Variants in COL17A1 observed in about 807,000 individuals in gnomAD.
COL17A1 encodes the protein collagen type XVII alpha 1 chain.
A neutral mutation model predicts 218.4 loss-of-function variants in COL17A1; 181 were observed. The observed-to-expected ratio is 0.83, with a 90% CI of 0.73 to 0.94. The LOEUF is 0.94. COL17A1 is among the 40% of genes least tolerant of loss of function. The pLI is 0.00. For synonymous variants in COL17A1, 721 were observed against 731.0 expected, an observed-to-expected ratio of 0.99 and a Z score of 0.22; for missense variants, 1,924 against 1,945.9, an observed-to-expected ratio of 0.99 and a Z score of 0.21.
intron 29 of COL17A1, 159 bp from the exon 30 acceptor site, chr10:104,048,263 A>T: frequency 1.3e-6 from 1 of 794,750 alleles, no homozygotes; most frequent in Non-Finnish European, 2.3e-6. Context: ...TGGATACGGT[A>T]CTCCCACTGC....
rs531811963 is a variant in COL17A1 at position 104,032,071 on chromosome 10, A to G, written c.*164T>C. 2.8e-4 allele frequency: 180 copies of G among 652,284 alleles called. 1 individual carries two copies. Among genetic ancestry groups the G allele is most frequent in the Non-Finnish European group, 4.4e-4 (159 of 360,742 alleles). 40.4% of individuals were successfully genotyped at this position (652,284 alleles called of 1,614,324 possible). A position where few individuals can be genotyped will look rare whatever the true frequency, so the allele number is the denominator to read the frequency against. On this transcript the variant is annotated 3_prime_UTR_variant, in exon 56 of 56. Transcript: ENST00000648076. The stretch of plus-strand genomic sequence containing the variant: ...GATTGTGTATCTTTGACTGAATTCT[A>G]TAAGTATATATTGTTCAGACTAAAA...
intron 28 of COL17A1, 91 bp downstream of exon 28, chr10:104,049,998 G>T: frequency 1.3e-6 from 2 of 1,592,890 alleles, no homozygotes; most frequent in Non-Finnish European, 1.7e-6. Context: ...AACAGATTCG[G>T]TCTCTTACTT....
At position 104,034,341 on chromosome 10, in the gene COL17A1, G is replaced by A. The variant is rs527309056; in HGVS notation, c.3767-7C>T. ...AAGCTGCGCACATCAGGACCTGCAG[G>A]GTGAGAAGCTGCATGAGTGGGAGCT... On this transcript the variant is annotated splice_region_variant and splice_polypyrimidine_tract_variant and intron_variant, in intron 51 of 55. Coordinates refer to ENST00000648076, the MANE Select transcript of COL17A1 (RefSeq NM_000494.4). The A allele has an allele frequency of 6.5e-7, 1 of 1,547,946 alleles. No individual in the cohort carries two copies. Among genetic ancestry groups the A allele is most frequent in the Non-Finnish European group, 8.7e-7 (1 of 1,153,474 alleles).
At chr10:104,053,489 A>T (rs943922614) in intron 22 of COL17A1, among the ~76,000 whole-genome samples, 7 of 151,784 alleles carry the variant, frequency 4.6e-5, no homozygotes, top group African/African-American at 1.7e-4. Context: ...GCTCCTTAAA[A>T]ATTGCCCTGG....
intron 35 of COL17A1, 131 bp downstream of exon 35, chr10:104,043,370 A>G: frequency 1.2e-6 from 1 of 856,624 alleles, no homozygotes; most frequent in Non-Finnish European, 1.9e-6. Flanking sequence ...TGCTTTTCTC[A>G]GGCCAAACTC....
At chr10:104,050,931 A>G in intron 25 of COL17A1, 30 bp from the exon 26 acceptor site, 1 of 1,614,086 alleles carries the variant, frequency 6.2e-7, no homozygotes, top group Non-Finnish European at 8.5e-7. Context: ...ATGCACACAG[A>G]TGAGTATCCC....
rs758339466 is a variant in COL17A1, at chr10:104,050,831, G to C, written c.2092+17C>G. ...CATCAGACCCTCACTGTCCCCCCAG[G>C]CCTCCCTCCAGCTTACCTTTGACAC... On this transcript the variant is annotated intron_variant, in intron 26 of 55. Coordinates refer to ENST00000648076, the MANE Select transcript of COL17A1 (RefSeq NM_000494.4). The C allele has an allele frequency of 2.9e-5, 46 of 1,613,882 alleles. No homozygotes were observed. Among genetic ancestry groups the C allele is most frequent in the Non-Finnish European group, 3.1e-5 (36 of 1,180,022 alleles).
chr10:104,053,109 C>T lies in COL17A1; in HGVS notation c.1861G>A (p.Gly621Ser). 7 of 1,613,710 alleles carry T rather than the reference C, an allele frequency of 4.3e-6. No homozygotes were observed. The highest frequency in any genetic ancestry group is 5.9e-6 in the Non-Finnish European group (7 of 1,180,024). Residue 621 changes from glycine (G) to serine (S), a missense_variant, in exon 23 of 56, where the codon GGC becomes AGC. By Grantham distance (56) the Gly-to-Ser change is moderately conservative (BLOSUM62 0). Transcript: ENST00000648076. ...VGDPGMEGPM[G>S]QRGREGPMGP... is the part of the protein sequence containing the mutation. ...ATGGGGCCTTCTCGCCCTCTCTGGC[C>T]CATGGGGCCTTCCATGCCAGGATCT...
At chr10:104,046,612 CAT>C in intron 32 of COL17A1, 133 bp downstream of exon 32, 1 of 821,122 alleles carries the variant, frequency 1.2e-6, no homozygotes, top group South Asian at 1.4e-5. Flanking sequence ...TCTCACGACT[CAT>C]AGTGAAAGGG....
chr10:104,039,891 T>C, intron 41 of COL17A1, 82 bp downstream of exon 41: 3 of 1,583,482 alleles, frequency 1.9e-6, no homozygotes, highest in Non-Finnish European at 1.7e-6. Flanking sequence ...TGCCTTTCTA[T>C]CAAGCTCAAA....
In COL17A1 at chr10:104,047,816, G is replaced by C; in HGVS notation, c.2264-6C>G. 1.9e-6 allele frequency: 3 copies of C among 1,613,518 alleles called. No homozygotes were observed. Among genetic ancestry groups the C allele is most frequent in the Non-Finnish European group, 2.5e-6 (3 of 1,179,376 alleles). ...CCCAGTAAGACCTTGTTCACCTAGA[G>C]AGAGAATGGCCAACGTGGAAGTGTT... is the stretch of plus-strand genomic sequence containing the variant. On this transcript the variant is annotated splice_polypyrimidine_tract_variant and splice_region_variant and intron_variant, in intron 30 of 55. Coordinates refer to ENST00000648076, the MANE Select transcript of COL17A1 (RefSeq NM_000494.4).
At position 104,060,118 on chromosome 10, in the gene COL17A1, CT is replaced by C; in HGVS notation, c.1141del (p.Thr381LeufsTer8). 1 of 1,614,104 alleles carries C rather than the reference CT, an allele frequency of 6.2e-7. No individual in the cohort carries two copies. On this transcript the variant is annotated frameshift_variant and splice_region_variant, in exon 14 of 56. Transcript: ENST00000648076. LOFTEE classifies it high-confidence loss of function. ...CCCAAGCCACACAGGATCTGACGCA[CT>C]TGCAGCGATGCTGGCAGGGGAGGCT... ...FTASPASIAA[T>X]SFSEDTLKKE...
rs373547452 is a variant in COL17A1 at position 104,047,984 on chromosome 10, A to G, written c.2263+85T>C. 23 of 1,532,984 alleles carry G rather than the reference A, an allele frequency of 1.5e-5. No homozygotes were observed. The East Asian group carries it at 1.6e-4, about 10-fold the overall frequency. 95.0% of individuals were successfully genotyped at this position (1,532,984 alleles called of 1,614,324 possible). A position where few individuals can be genotyped will look rare whatever the true frequency, so the allele number is the denominator to read the frequency against. On this transcript the variant is annotated intron_variant, in intron 30 of 55. Transcript: ENST00000648076. ...TTCCACATGCTATATGCTCCTCTGC[A>G]CTATGGTTAAGGGGACTGAGGGCTG...
In COL17A1 at chr10:104,063,966, G is replaced by C; in HGVS notation, c.767-148C>G. 3 of 1,125,134 alleles carry C rather than the reference G, an allele frequency of 2.7e-6. No individual in the cohort carries two copies. The South Asian group carries it at 4.0e-5, about 15-fold the overall frequency. 69.7% of individuals were successfully genotyped at this position (1,125,134 alleles called of 1,614,324 possible). A position where few individuals can be genotyped will look rare whatever the true frequency, so the allele number is the denominator to read the frequency against. On this transcript the variant is annotated intron_variant, in intron 10 of 55. Coordinates refer to ENST00000648076, the MANE Select transcript of COL17A1 (RefSeq NM_000494.4). Reference sequence around the variant, plus strand: ...TTGTTTTTAGGAAAAACAGGCTCTTGCCTTGCAGCAGAGAATGAAACACTA... The same window carrying C: ...TTGTTTTTAGGAAAAACAGGCTCTTCCCTTGCAGCAGAGAATGAAACACTA...
intron 16 of COL17A1, among the ~76,000 whole-genome samples, chr10:104,057,692 G>GT (rs1427040911): frequency 2.0e-5 from 3 of 151,906 alleles, no homozygotes; most frequent in African/African-American, 7.2e-5. Flanking sequence ...TTAAAACAAT[G>GT]TTTTTTGTAA....
chr10:104,069,973 C>G (rs1038711971), intron 9 of COL17A1, among the ~76,000 whole-genome samples: 1 of 152,118 alleles, frequency 6.6e-6, no homozygotes, highest in Non-Finnish European at 1.5e-5. Context: ...CTAAGGAACA[C>G]TTAAAGCTAA....
intron 9 of COL17A1, among the ~76,000 whole-genome samples, chr10:104,069,152 G>C (rs1268967285): frequency 2.0e-5 from 3 of 152,150 alleles, no homozygotes; most frequent in Non-Finnish European, 4.4e-5. Context: ...CTGGGTTAAG[G>C]CCATTTCAAA....
chr10:104,034,764 G>A lies in COL17A1; in HGVS notation c.3623C>T (p.Ala1208Val). ...AGGGCCTGGGATGAATGACAAGCCG[G>A]CAGCTGGGCAGAAGGAAGAGAAAGA... is the stretch of plus-strand genomic sequence containing the variant. ...VEDLSSYLHT[A>V]GLSFIPGPPG... is the part of the protein sequence containing the mutation. The change falls in exon 51 of 56, where the codon GCC (alanine) becomes GTC (valine). Residue 1208 changes from alanine (A) to valine (V), a missense_variant. Coordinates refer to ENST00000648076, the MANE Select transcript of COL17A1 (RefSeq NM_000494.4). 3 of 1,612,262 alleles carry A rather than the reference G, an allele frequency of 1.9e-6. No homozygotes were observed. Among genetic ancestry groups the A allele is most frequent in the African/African-American group, 1.3e-5 (1 of 75,030 alleles).
rs771186846 is a variant in COL17A1, at chr10:104,032,934, T to C, written c.4329A>G (p.Lys1443=). The change falls in exon 54 of 56, where the codon AAA becomes AAG. Residue 1443 remains lysine (K), a synonymous_variant. Transcript: ENST00000648076. ...TGGGTCCTGGAGTGCCCATCTCTCC[T>C]TTTTGCCCAGGGGGTCCTTGAATGG... ...YGAIQGPPGQ[K]GEMGTPGPKG... is the part of the protein sequence containing the mutation. 1.9e-6 allele frequency: 3 copies of C among 1,613,948 alleles called. No individual in the cohort carries two copies. Among genetic ancestry groups the C allele is most frequent in the Non-Finnish European group, 8.5e-7 (1 of 1,179,984 alleles).
Sources: allele counts gnomAD v4.1 joint callset (sites outside exome capture counted in the v4.1 genomes callset), GRCh38; gene constraint gnomAD v4.1.1; transcripts MANE v1.5; gene names NCBI Gene and HGNC (gene_info 2026-07-23, HGNC 2026-07-21).